SYT7: variants seen among roughly 807,000 people sequenced by gnomAD.
SYT7 encodes synaptotagmin 7.
A neutral mutation model predicts 75.1 loss-of-function variants in SYT7; 29 were observed. The observed-to-expected ratio is 0.39, with a 90% CI of 0.29 to 0.53. SYT7 has a LOEUF of 0.53. Among genes scored for constraint, SYT7 ranks in the 20% least tolerant of loss-of-function variants. The pLI is 0.77. For missense variants in SYT7, 693 were observed against 953.2 expected, an observed-to-expected ratio of 0.73 and a Z score of 3.59; for synonymous variants, 376 against 401.7, an observed-to-expected ratio of 0.94 and a Z score of 0.76.
chr11:61,529,490 G>A (rs941115661), intron 8 of SYT7, among the ~76,000 whole-genome samples: 3 of 152,176 alleles, frequency 2.0e-5, no homozygotes, highest in Non-Finnish European at 4.4e-5. Context: ...CAAGGCTGAC[G>A]GCAGTAGGAA....
chr11:61,582,609 G>C (rs2064303480), upstream of SYT7, among the ~76,000 whole-genome samples: 1 of 152,202 alleles, frequency 6.6e-6, no homozygotes. Flanking sequence ...CATGAAGACT[G>C]TTCCAGTGGA....
chr11:61,517,065 G>GGGCTAAGACCACGGCCACA lies in SYT7; in HGVS notation c.*1543_*1561dup. On this transcript the variant is annotated 3_prime_UTR_variant, in exon 13 of 13. Transcript: ENST00000539008. ...ACAGGCCCATCCAGAGTGGAACTGGGGGCTAAGACCACGGCCACAGACTGT... is the reference window on the plus strand; with the variant it reads ...ACAGGCCCATCCAGAGTGGAACTGGGGGCTAAGACCACGGCCACAGGCTAAGACCACGGCCACAGACTGT... 2 of 392,448 alleles carry GGGCTAAGACCACGGCCACA rather than the reference G, an allele frequency of 5.1e-6. No individual in the cohort carries two copies. The highest frequency in any genetic ancestry group is 7.2e-5 in the East Asian group (2 of 27,720). 24.3% of individuals were successfully genotyped at this position (392,448 alleles called of 1,614,324 possible). A position where few individuals can be genotyped will look rare whatever the true frequency, so the allele number is the denominator to read the frequency against.
At chr11:61,567,428 G>A (rs941070617) in intron 1 of SYT7, among the ~76,000 whole-genome samples, 1 of 151,364 alleles carries the variant, frequency 6.6e-6, no homozygotes, top group Non-Finnish European at 1.5e-5. Context: ...TCAGTCCTGG[G>A]GCTGCGCCCT....
chr11:61,556,322 C>T (rs2063500293), intron 1 of SYT7, 115 bp from the exon 2 acceptor site: 2 of 794,486 alleles, frequency 2.5e-6, no homozygotes, highest in African/African-American at 1.7e-5. Flanking sequence ...TCACTGGGAG[C>T]TCTGAACCCA....
At chr11:61,527,652 A>G (rs1355034580) in intron 9 of SYT7, among the ~76,000 whole-genome samples, 1 of 152,198 alleles carries the variant, frequency 6.6e-6, no homozygotes, top group Non-Finnish European at 1.5e-5. Context: ...CCTGATCCCA[A>G]CTAGACACAA....
At chr11:61,581,632 G>T (rs1477204505), upstream of SYT7, among the ~76,000 whole-genome samples, 2 of 152,256 alleles carry the variant, frequency 1.3e-5, no homozygotes, top group Admixed American at 6.5e-5. Context: ...CGCCAGTCCG[G>T]TCTTTCTGCA....
chr11:61,517,603 G>A lies in SYT7; in HGVS notation c.*1024C>T, dbSNP rs983063854. On this transcript the variant is annotated 3_prime_UTR_variant, in exon 13 of 13. Coordinates refer to ENST00000539008, the MANE Select transcript of SYT7 (RefSeq NM_001365809.2). The stretch of plus-strand genomic sequence containing the variant: ...GGGCAGGCAAGCTGGAAAGCATGGA[G>A]AATAGGGCAGATGTGGCTGCGTATG... The A allele has an allele frequency of 7.5e-6, 3 of 399,342 alleles. No individual in the cohort carries two copies. Among genetic ancestry groups the A allele is most frequent in the African/African-American group, 4.1e-5 (2 of 48,600 alleles). 24.7% of individuals were successfully genotyped at this position (399,342 alleles called of 1,614,324 possible). A position where few individuals can be genotyped will look rare whatever the true frequency, so the allele number is the denominator to read the frequency against.
chr11:61,583,527 C>G (rs984365984), upstream of SYT7, among the ~76,000 whole-genome samples: 1 of 152,156 alleles, frequency 6.6e-6, no homozygotes, highest in Admixed American at 6.5e-5. Context: ...CTAAAGGCCC[C>G]GGAGCCAGCA....
intron 1 of SYT7, among the ~76,000 whole-genome samples, chr11:61,574,562 C>A (rs2064014839): frequency 6.6e-6 from 1 of 152,062 alleles, no homozygotes; most frequent in African/African-American, 2.4e-5. Context: ...AAGCACAAAA[C>A]CCCCATTCCT....
rs1196900235 is a variant in SYT7, at chr11:61,524,478, T to A, written c.1526A>T (p.Tyr509Phe). The change falls in exon 10 of 13, where the codon TAT (tyrosine) becomes TTT (phenylalanine). Residue 509 changes from tyrosine (Y) to phenylalanine (F), a missense_variant. Around this residue, in one of 2 missense-constraint regions of SYT7, gnomAD observed 206 missense variants for 360.0 expected, o/e 0.57. Coordinates refer to ENST00000539008, the MANE Select transcript of SYT7 (RefSeq NM_001365809.2). This position sits in a 1 kb window ranked among gnomAD's most constrained non-coding sequence, Gnocchi z 4.1. ...GGGGTCGTTGCGGCTGAAGCGGTCA[T>A]AGTCCAGGACTTGGAGGTAGAGGAT... Reference protein sequence around the residue: ...QRILYLQVLDYDRFSRNDPIG... With the variant: ...QRILYLQVLDFDRFSRNDPIG... The A allele has an allele frequency of 6.2e-7, 1 of 1,612,760 alleles. No individual in the cohort carries two copies. Among genetic ancestry groups the A allele is most frequent in the African/African-American group, 1.3e-5 (1 of 74,924 alleles).
At chr11:61,565,318 T>C (rs976566029) in intron 1 of SYT7, among the ~76,000 whole-genome samples, 1 of 152,096 alleles carries the variant, frequency 6.6e-6, no homozygotes. Flanking sequence ...GATCTGGGCA[T>C]GGAAAGGGGG....
chr11:61,550,539 C>T (rs1213906917), intron 3 of SYT7, among the ~76,000 whole-genome samples: 1 of 152,126 alleles, frequency 6.6e-6, no homozygotes, highest in Non-Finnish European at 1.5e-5. Flanking sequence ...GGCTGGCAGG[C>T]TTGGTCCAGG....
upstream of SYT7, among the ~76,000 whole-genome samples, chr11:61,582,717 C>A (rs1813024454): frequency 6.6e-6 from 1 of 152,194 alleles, no homozygotes; most frequent in African/African-American, 2.4e-5. Flanking sequence ...GAAATCTCAG[C>A]CCTCACCCTC....
At chr11:61,560,530 C>T (rs1252461999) in intron 1 of SYT7, among the ~76,000 whole-genome samples, 3 of 152,122 alleles carry the variant, frequency 2.0e-5, no homozygotes, top group Non-Finnish European at 4.4e-5. Context: ...TTTCCCAGAC[C>T]CTTCAGCCTC....
chr11:61,516,400 C>T lies in SYT7; in HGVS notation c.*2227G>A, dbSNP rs1231770443. On this transcript the variant is annotated 3_prime_UTR_variant, in exon 13 of 13. Transcript: ENST00000539008. The surrounding 1 kb of genome is among the most constrained non-coding windows in gnomAD (Gnocchi z 4.6). ...GGCTAAGAGCTCTGTGGGCGGGGCTCGGGAAAAATGGGGAGCCGTTGCCCC... is the reference window on the plus strand; with the variant it reads ...GGCTAAGAGCTCTGTGGGCGGGGCTTGGGAAAAATGGGGAGCCGTTGCCCC... The T allele has an allele frequency of 6.6e-6, 1 of 152,052 alleles. No homozygotes were observed. The highest frequency in any genetic ancestry group is 2.4e-5 in the African/African-American group (1 of 41,378). 9.4% of individuals were successfully genotyped at this position (152,052 alleles called of 1,614,324 possible).
chr11:61,561,686 G>C (rs767986529), intron 1 of SYT7, among the ~76,000 whole-genome samples: 1 of 152,110 alleles, frequency 6.6e-6, no homozygotes, highest in Non-Finnish European at 1.5e-5. Context: ...CTTATTGAAA[G>C]AATGAAGGAG....
At chr11:61,529,346 T>A (rs1310332417) in intron 8 of SYT7, among the ~76,000 whole-genome samples, 1 of 152,170 alleles carries the variant, frequency 6.6e-6, no homozygotes, top group Non-Finnish European at 1.5e-5. Flanking sequence ...TAATAATGCA[T>A]CAAGTGGGCT....
At chr11:61,550,441 G>A (rs1590901464) in intron 3 of SYT7, among the ~76,000 whole-genome samples, 2 of 152,284 alleles carry the variant, frequency 1.3e-5, no homozygotes, top group African/African-American at 4.8e-5. Flanking sequence ...AGGGGCCAGA[G>A]GGCAGGGGGA....
At chr11:61,565,901 C>T (rs1259418967) in intron 1 of SYT7, among the ~76,000 whole-genome samples, 4 of 152,278 alleles carry the variant, frequency 2.6e-5, no homozygotes, top group Non-Finnish European at 5.9e-5. Context: ...GGAGAGTGCG[C>T]TGGCTGGGGC....
Sources: gnomAD v4.1 joint callset for allele counts (sites outside exome capture counted in the v4.1 genomes callset) on GRCh38, gnomAD v4.1.1 for gene constraint, gnomAD v4.1.1 regional missense constraint, Gnocchi (gnomAD v3.1) non-coding constraint, MANE v1.5 for transcripts, NCBI Gene and HGNC (gene_info 2026-07-23, HGNC 2026-07-21) for gene names.